Variants in MAGI1 observed in about 807,000 individuals in gnomAD.
The protein encoded by MAGI1 is membrane associated guanylate kinase, WW and PDZ domain containing 1.
Under a neutral mutation model 139.9 loss-of-function variants are expected in MAGI1, and 58 were observed. That is an observed-to-expected ratio of 0.41 (90% CI 0.34 to 0.52). MAGI1 has a LOEUF of 0.52. MAGI1 is among the 20% of genes least tolerant of loss of function. The pLI, the probability that MAGI1 is intolerant of heterozygous loss-of-function variation, is 0.12. For synonymous variants in MAGI1, 812 were observed against 737.9 expected (o/e 1.10, Z -1.63); for missense variants, 1,874 against 1,901.6 (o/e 0.99, Z 0.27).
intron 1 of MAGI1, among the ~76,000 whole-genome samples, chr3:66,018,042 G>T (rs567071142): frequency 1.4e-5 from 2 of 142,190 alleles, no homozygotes; most frequent in Non-Finnish European, 3.0e-5. Context: ...CAGAGATGCG[G>T]TCCACAATTT....
chr3:65,557,912 G>A (rs1407886450), intron 2 of MAGI1, among the ~76,000 whole-genome samples: 1 of 152,176 alleles, frequency 6.6e-6, no homozygotes. Context: ...TAACCATGTA[G>A]AGAGGTCCCC....
chr3:65,975,495 C>A (rs958092751), intron 1 of MAGI1, among the ~76,000 whole-genome samples: 6 of 152,062 alleles, frequency 3.9e-5, no homozygotes, highest in Non-Finnish European at 8.8e-5. Flanking sequence ...GTGGCTCAAG[C>A]CTGTAATCCC....
intron 1 of MAGI1, among the ~76,000 whole-genome samples, chr3:65,793,271 T>C (rs1236052414): frequency 6.6e-6 from 1 of 152,172 alleles, no homozygotes; most frequent in Non-Finnish European, 1.5e-5. Context: ...ACAGAATGAA[T>C]CTATCTGTGA....
At chr3:65,567,923 T>G (rs2080750615) in intron 2 of MAGI1, among the ~76,000 whole-genome samples, 1 of 152,216 alleles carries the variant, frequency 6.6e-6, no homozygotes, top group African/African-American at 2.4e-5. Context: ...ATGTGATATT[T>G]ATATTTAATT....
intron 1 of MAGI1, among the ~76,000 whole-genome samples, chr3:65,625,479 C>G (rs906511897): frequency 2.0e-5 from 3 of 152,108 alleles, no homozygotes; most frequent in Non-Finnish European, 4.4e-5. Flanking sequence ...GCTGGTGAGT[C>G]TGAGAACAGG....
chr3:65,546,382 C>T (rs774308040), intron 2 of MAGI1, among the ~76,000 whole-genome samples: 9 of 152,192 alleles, frequency 5.9e-5, no homozygotes, highest in Non-Finnish European at 8.8e-5. Context: ...CTACAATGTA[C>T]AGTCCTTTAT....
chr3:65,450,255 C>T (rs193091187), intron 6 of MAGI1, among the ~76,000 whole-genome samples: 2 of 151,930 alleles, frequency 1.3e-5, no homozygotes, highest in African/African-American at 2.4e-5. Flanking sequence ...AGGTTGTCAG[C>T]GATAACATCA....
At chr3:65,936,996 G>T (rs1175845136) in intron 1 of MAGI1, among the ~76,000 whole-genome samples, 1 of 151,050 alleles carries the variant, frequency 6.6e-6, no homozygotes, top group Non-Finnish European at 1.5e-5. Context: ...GGTGATGGTG[G>T]TGGTGGTGGT....
At chr3:65,844,785 G>A (rs967199116) in intron 1 of MAGI1, among the ~76,000 whole-genome samples, 6 of 152,098 alleles carry the variant, frequency 3.9e-5, no homozygotes, top group African/African-American at 1.4e-4. Flanking sequence ...TAAACACATA[G>A]AATTAAATTA....
intron 1 of MAGI1, among the ~76,000 whole-genome samples, chr3:66,001,997 A>AAGTGG (rs2066765841): frequency 5.3e-5 from 8 of 152,264 alleles, no homozygotes; most frequent in Admixed American, 3.9e-4. Flanking sequence ...TCCCGCCTCA[A>AAGTGG]GTCTTATAAG....
chr3:65,904,534 C>G (rs1453118544), intron 1 of MAGI1, among the ~76,000 whole-genome samples: 2 of 152,144 alleles, frequency 1.3e-5, no homozygotes, highest in African/African-American at 4.8e-5. Context: ...ACTGTTCTAC[C>G]CCAGACCTAC....
chr3:65,600,390 G>A (rs890305707), intron 2 of MAGI1, among the ~76,000 whole-genome samples: 9 of 152,100 alleles, frequency 5.9e-5, no homozygotes, highest in African/African-American at 2.2e-4. Flanking sequence ...TTCAATCAGA[G>A]CTCCAAAGAC....
At chr3:65,364,577 G>A in intron 20 of MAGI1, 88 bp downstream of exon 20, 5 of 1,098,856 alleles carry the variant, frequency 4.6e-6, no homozygotes, top group Non-Finnish European at 6.9e-6. Flanking sequence ...TAAATTAAAG[G>A]TGCTTCAAAA....
intron 2 of MAGI1, among the ~76,000 whole-genome samples, chr3:65,530,283 G>A (rs1263724602): frequency 6.6e-6 from 1 of 152,000 alleles, no homozygotes; most frequent in African/African-American, 2.4e-5. Flanking sequence ...ATTCATCCAT[G>A]TCACTGAATT....
chr3:65,775,440 C>A (rs373965516), intron 1 of MAGI1, among the ~76,000 whole-genome samples: 20 of 127,612 alleles, frequency 1.6e-4, no homozygotes, highest in Middle Eastern at 4.6e-3. Context: ...CAGAGTGAGA[C>A]CTTCTCTGGA....
chr3:65,887,030 A>C (rs2060561748), intron 1 of MAGI1, among the ~76,000 whole-genome samples: 1 of 152,222 alleles, frequency 6.6e-6, no homozygotes, highest in South Asian at 2.1e-4. Flanking sequence ...AACTCATAAA[A>C]TACAAGGTGC....
chr3:65,431,332 A>G (rs1015516769), intron 10 of MAGI1, among the ~76,000 whole-genome samples: 1 of 152,172 alleles, frequency 6.6e-6, no homozygotes, highest in Non-Finnish European at 1.5e-5. Context: ...GAACTAATCA[A>G]ACGGAAAATC....
At chr3:65,700,686 T>C (rs2089535390) in intron 1 of MAGI1, among the ~76,000 whole-genome samples, 1 of 152,142 alleles carries the variant, frequency 6.6e-6, no homozygotes, top group South Asian at 2.1e-4. Context: ...TTCTGATAAT[T>C]AGTAGGGATC....
chr3:65,921,309 AT>A (rs71105951), intron 1 of MAGI1, among the ~76,000 whole-genome samples: 31,353 of 143,378 alleles, frequency 0.22, 3,087 homozygotes, highest in African/African-American at 0.25. Flanking sequence ...ATGACGTATA[AT>A]TTTTTTTTTT....
Sources: allele counts gnomAD v4.1 joint callset (sites outside exome capture counted in the v4.1 genomes callset), GRCh38; gene constraint gnomAD v4.1.1; transcripts MANE v1.5; gene names NCBI Gene and HGNC (gene_info 2026-07-23, HGNC 2026-07-21).